Variants in CCDC141 observed in about 807,000 individuals in gnomAD.
CCDC141 encodes coiled-coil domain-containing protein 141.
CCDC141 carries 168 observed loss-of-function variants against 181.0 expected under a neutral mutation model. That is an observed-to-expected ratio of 0.93 (90% CI 0.82 to 1.05). CCDC141 has a LOEUF of 1.05. Ranked by LOEUF, CCDC141 falls within the 50% of genes least tolerant of loss-of-function variation. The probability of loss-of-function intolerance (pLI) is 0.00; values close to 1 mark genes in which losing one functional copy is unlikely to be tolerated. For synonymous variants in CCDC141, 666 were observed against 642.3 expected, an observed-to-expected ratio of 1.04 and a Z score of -0.56; for missense variants, 1,902 against 1,788.5, an observed-to-expected ratio of 1.06 and a Z score of -1.14.
chr2:179,001,545 T>C (rs72963231), intron 2 of CCDC141, among the ~76,000 whole-genome samples: 15,996 of 152,076 alleles, frequency 0.11, 944 homozygotes, highest in Middle Eastern at 0.14. Flanking sequence ...AATCATAAAG[T>C]TGAACTAAAA....
chr2:179,000,007 AAAAAAT>A (rs1185818728), intron 2 of CCDC141, among the ~76,000 whole-genome samples: 2 of 152,000 alleles, frequency 1.3e-5, no homozygotes, highest in Admixed American at 1.3e-4. Flanking sequence ...AGAAAATCAT[AAAAAAT>A]AAAAATTGCT....
intron 2 of CCDC141, among the ~76,000 whole-genome samples, chr2:178,988,311 G>C (rs1691854328): frequency 8.2e-6 from 1 of 122,612 alleles, no homozygotes. Flanking sequence ...AAACTCTGGG[G>C]ACTGTTGTGG....
At chr2:178,865,597 C>G (rs904361497) in intron 17 of CCDC141, among the ~76,000 whole-genome samples, 170 bp downstream of exon 17, 1 of 152,208 alleles carries the variant, frequency 6.6e-6, no homozygotes, top group Non-Finnish European at 1.5e-5. Context: ...TTCCAGATCC[C>G]TGAGGTCACT....
chr2:178,854,915 C>A (rs1464518596), intron 19 of CCDC141, among the ~76,000 whole-genome samples: 1 of 152,070 alleles, frequency 6.6e-6, no homozygotes, highest in Non-Finnish European at 1.5e-5. Context: ...AAAGAAAACA[C>A]CAATAACAAC....
At chr2:179,003,823 T>G (rs1468904091) in intron 2 of CCDC141, among the ~76,000 whole-genome samples, 1 of 152,200 alleles carries the variant, frequency 6.6e-6, no homozygotes, top group African/African-American at 2.4e-5. Context: ...AATGATTTAC[T>G]GTCAAGAAAC....
intron 2 of CCDC141, among the ~76,000 whole-genome samples, chr2:178,982,211 T>C (rs150606370): frequency 3.3e-5 from 5 of 152,224 alleles, no homozygotes; most frequent in African/African-American, 9.6e-5. Flanking sequence ...TTCTACCAAA[T>C]GTTTAAAGAA....
intron 22 of CCDC141, among the ~76,000 whole-genome samples, chr2:178,842,390 C>T (rs185916321): frequency 3.9e-5 from 6 of 152,310 alleles, no homozygotes; most frequent in Admixed American, 2.0e-4. Context: ...ACTTACATAT[C>T]TAGTAAACAA....
chr2:178,903,144 T>G (rs1421747073), intron 8 of CCDC141, among the ~76,000 whole-genome samples: 1 of 148,522 alleles, frequency 6.7e-6, no homozygotes, highest in Non-Finnish European at 1.5e-5. Context: ...TAGGAACACT[T>G]TTACACTGTT....
intron 16 of CCDC141, among the ~76,000 whole-genome samples, chr2:178,867,523 G>A (rs920994784): frequency 6.6e-6 from 1 of 151,994 alleles, no homozygotes; most frequent in Non-Finnish European, 1.5e-5. Flanking sequence ...TTCCTCATTT[G>A]TTGCTAAATT....
At chr2:179,005,992 C>T (rs544793135) in intron 2 of CCDC141, among the ~76,000 whole-genome samples, 11 of 152,176 alleles carry the variant, frequency 7.2e-5, no homozygotes, top group Admixed American at 2.0e-4. Flanking sequence ...CCTTATTTTC[C>T]TCTTCTCTGT....
At chr2:179,043,366 T>G (rs897352646) in intron 2 of CCDC141, among the ~76,000 whole-genome samples, 1 of 152,090 alleles carries the variant, frequency 6.6e-6, no homozygotes, top group African/African-American at 2.4e-5. Flanking sequence ...CCCTAACTCA[T>G]CCTGATGCCA....
At chr2:178,967,474 C>T (rs1357979276) in intron 4 of CCDC141, among the ~76,000 whole-genome samples, 2 of 152,166 alleles carry the variant, frequency 1.3e-5, no homozygotes, top group Non-Finnish European at 1.5e-5. Flanking sequence ...CCCAGAATTT[C>T]ATATCCAGTC....
intron 6 of CCDC141, among the ~76,000 whole-genome samples, chr2:178,924,577 T>C (rs1021011218): frequency 6.6e-6 from 1 of 152,214 alleles, no homozygotes; most frequent in Non-Finnish European, 1.5e-5. Flanking sequence ...AGTTGGATTA[T>C]AAATTGGGTG....
chr2:178,982,631 A>G (rs4467310), intron 2 of CCDC141, among the ~76,000 whole-genome samples: 140,125 of 152,238 alleles, frequency 0.92, 64,549 homozygotes, highest in Middle Eastern at 0.95. Context: ...ACCGAAGCAG[A>G]GCGAGGCACT....
intron 2 of CCDC141, among the ~76,000 whole-genome samples, chr2:179,015,808 T>C (rs1470346259): frequency 7.0e-6 from 1 of 141,934 alleles, no homozygotes; most frequent in Admixed American, 7.3e-5. Context: ...CATATATGTA[T>C]CATATATATC....
At chr2:178,878,542 C>T (rs972079415) in intron 11 of CCDC141, among the ~76,000 whole-genome samples, 8 of 145,820 alleles carry the variant, frequency 5.5e-5, no homozygotes, top group African/African-American at 2.1e-4. Flanking sequence ...TGGTCTCGGA[C>T]TCCTGGGCTC....
chr2:178,954,582 C>A (rs1287157130), intron 5 of CCDC141, among the ~76,000 whole-genome samples: 2 of 152,102 alleles, frequency 1.3e-5, no homozygotes, highest in Non-Finnish European at 2.9e-5. Flanking sequence ...AAGCATTAGG[C>A]CACAGCACTT....
At chr2:178,821,560 G>T in the CCDC141 span, among the ~76,000 whole-genome samples, 1 of 152,180 alleles carries the variant, frequency 6.6e-6, no homozygotes, top group Non-Finnish European at 1.5e-5. Flanking sequence ...TAATTCACAG[G>T]CAAGGAACAT....
At chr2:178,920,190 G>A (rs1688624010) in intron 6 of CCDC141, among the ~76,000 whole-genome samples, 1 of 152,180 alleles carries the variant, frequency 6.6e-6, no homozygotes. Context: ...TACTTGTGAA[G>A]CGTGGAAAAT....
Sources: gnomAD v4.1 joint callset for allele counts (sites outside exome capture counted in the v4.1 genomes callset) on GRCh38, gnomAD v4.1.1 for gene constraint, MANE v1.5 for transcripts, NCBI Gene and HGNC (gene_info 2026-07-23, HGNC 2026-07-21) for gene names.